Variants in CEBPZ observed in about 807,000 individuals in gnomAD.
CEBPZ encodes CCAAT enhancer binding protein zeta.
In CEBPZ, 78 loss-of-function variants were observed where a neutral mutation model predicts 104.5. The ratio of observed to expected loss-of-function variants is 0.75; its 90% CI spans 0.62 to 0.90. The LOEUF (loss-of-function observed/expected upper bound fraction) is 0.90, where lower values mean the gene tolerates loss of function less well. CEBPZ is among the 40% of genes least tolerant of loss of function. The probability of loss-of-function intolerance (pLI) is 0.00; values close to 1 mark genes in which losing one functional copy is unlikely to be tolerated. For missense variants in CEBPZ, 1,439 were observed against 1,233.5 expected (o/e 1.17, Z -2.50); for synonymous variants, 470 against 427.0 (o/e 1.10, Z -1.24).
In CEBPZ at chr2:37,228,274, A is replaced by G. The variant is rs1664940948; in HGVS notation, c.919T>C (p.Phe307Leu). 1.2e-6 allele frequency: 2 copies of G among 1,614,212 alleles called. No individual in the cohort carries two copies. Among genetic ancestry groups the G allele is most frequent in the Non-Finnish European group, 1.7e-6 (2 of 1,180,030 alleles). ...LLPDNRKLRI[F>L]SQRPFDKLEQ... is the part of the protein sequence containing the mutation. ...AGTTTGTCAAAAGGACGCTGGCTGA[A>G]AATCCTCAGCTTCCGATTGTCTGGC... Residue 307 changes from phenylalanine to leucine, a missense_variant, in exon 2 of 16, where the codon TTC becomes CTC. Phe to Leu is a conservative substitution (Grantham distance 22). Transcript: ENST00000234170.
At chr2:37,216,075 T>C in intron 8 of CEBPZ, 65 bp downstream of exon 8, 2 of 1,180,914 alleles carry the variant, frequency 1.7e-6, no homozygotes, top group East Asian at 2.4e-5. Flanking sequence ...CAAAGAATAA[T>C]ACAATTTATG....
At chr2:37,211,261 T>C (rs1677712794) in intron 12 of CEBPZ, 179 bp from the exon 13 acceptor site, 1 of 436,756 alleles carries the variant, frequency 2.3e-6, no homozygotes, top group African/African-American at 2.0e-5. Flanking sequence ...ACTCTAAGAA[T>C]TGGCACAGTT....
intron 1 of CEBPZ, among the ~76,000 whole-genome samples, chr2:37,229,942 C>A (rs1454266251): frequency 1.3e-5 from 2 of 152,168 alleles, no homozygotes; most frequent in Non-Finnish European, 2.9e-5. Flanking sequence ...TATCCTCCCA[C>A]CTCTGACTCC....
chr2:37,216,476 TAAGAAAAAGG>T lies in CEBPZ; in HGVS notation c.2209-68_2209-59del, dbSNP rs1677869593. 4.1e-6 allele frequency: 5 copies of T among 1,228,778 alleles called. No individual in the cohort carries two copies. In the Admixed American group the frequency reaches 6.0e-5, roughly 15 times the overall value. The allele number at this position is 1,228,778 out of a possible 1,614,324, so 76.1% of individuals were successfully genotyped here. A position where few individuals can be genotyped will look rare whatever the true frequency, so the allele number is the denominator to read the frequency against. On this transcript the variant is annotated intron_variant, in intron 6 of 15. Transcript: ENST00000234170. ...TTCAAATTATGTCTATGAATCCAAGTAAGAAAAAGGAAGAAAAAGATAATTTCTATTACAC... is the reference window on the plus strand; with the variant it reads ...TTCAAATTATGTCTATGAATCCAAGTAAGAAAAAGATAATTTCTATTACAC...
At chr2:37,202,549 G>A in intron 15 of CEBPZ, 1 of 334,448 alleles carries the variant, frequency 3.0e-6, no homozygotes, top group South Asian at 4.5e-5. Context: ...GGAGGCTAAG[G>A]TAGGAGAATT....
chr2:37,203,279 A>T (rs565751664), intron 13 of CEBPZ: 36 of 243,842 alleles, frequency 1.5e-4, no homozygotes, highest in Non-Finnish European at 2.4e-4. Flanking sequence ...TTTTACCCAT[A>T]AGGGAAATAA....
chr2:37,216,956 C>G (rs374974943), intron 6 of CEBPZ, 28 bp downstream of exon 6: 2 of 1,566,360 alleles, frequency 1.3e-6, no homozygotes, highest in Non-Finnish European at 1.7e-6. Context: ...TTTCTTATTT[C>G]TCATCTTTGG....
intron 12 of CEBPZ, chr2:37,211,631 G>C (rs1677723213): frequency 2.1e-6 from 1 of 477,022 alleles, no homozygotes. Context: ...AAAGTCCAAA[G>C]CTCAAAAAGC....
chr2:37,210,975 A>C (rs1677703032), intron 13 of CEBPZ, 24 bp downstream of exon 13: 1 of 1,542,050 alleles, frequency 6.5e-7, no homozygotes, highest in East Asian at 2.3e-5. Flanking sequence ...CTGCTTTTAA[A>C]AGATATTAAA....
intron 3 of CEBPZ, 102 bp downstream of exon 3, chr2:37,223,068 C>A: frequency 1.1e-6 from 1 of 918,242 alleles, no homozygotes; most frequent in Non-Finnish European, 1.7e-6. Flanking sequence ...CACTCATATG[C>A]TCCAGAGAAC....
chr2:37,223,101 A>C (rs1259608078), intron 3 of CEBPZ, 69 bp downstream of exon 3: 1 of 1,322,732 alleles, frequency 7.6e-7, no homozygotes, highest in Admixed American at 1.9e-5. Context: ...ATTTGAAGCA[A>C]AGAAAAACAA....
chr2:37,206,200 C>T (rs1677534196), intron 13 of CEBPZ, among the ~76,000 whole-genome samples: 1 of 152,180 alleles, frequency 6.6e-6, no homozygotes, highest in Non-Finnish European at 1.5e-5. Flanking sequence ...GCAGCTCCCA[C>T]ATGGATGGAC....
chr2:37,219,101 T>C (rs948567611), intron 5 of CEBPZ, among the ~76,000 whole-genome samples: 1 of 152,210 alleles, frequency 6.6e-6, no homozygotes, highest in Non-Finnish European at 1.5e-5. Flanking sequence ...ATTTTATTGC[T>C]GACAACAAAT....
chr2:37,216,984 C>G lies in CEBPZ; in HGVS notation c.2208G>C (p.Gln736His), dbSNP rs1664610918. The G allele has an allele frequency of 6.2e-7, 1 of 1,610,666 alleles. No individual in the cohort carries two copies. The highest frequency in any genetic ancestry group is 1.3e-5 in the African/African-American group (1 of 74,906). Reference protein sequence around the residue: ...SVALFAKTILQGNYIQYSGDP... With the variant: ...SVALFAKTILHGNYIQYSGDP... ...ATCTTTGGATTTATTTTAGACTCAC[C>G]TGAAGGATGGTCTTTGCAAAAAGGG... The change falls in exon 6 of 16, where the codon CAG becomes CAC. Residue 736 changes from glutamine to histidine, a missense_variant and splice_region_variant. By Grantham distance (24) the Gln-to-His change is conservative. Coordinates refer to ENST00000234170, the MANE Select transcript of CEBPZ (RefSeq NM_005760.3).
At position 37,231,589 on chromosome 2, in the gene CEBPZ, T is replaced by A. The variant is rs1373857124; in HGVS notation, c.-22A>T. 5 of 1,614,066 alleles carry A rather than the reference T, an allele frequency of 3.1e-6. No homozygotes were observed. Among genetic ancestry groups the A allele is most frequent in the Non-Finnish European group, 4.2e-6 (5 of 1,180,040 alleles). On this transcript the variant is annotated 5_prime_UTR_variant, in exon 1 of 16. Coordinates refer to ENST00000234170, the MANE Select transcript of CEBPZ (RefSeq NM_005760.3). ...CCATGGCGGGCAAAGCATACGCGCG[T>A]GAAACTCAGCCTATTTCCGCTCTGC... is the stretch of plus-strand genomic sequence containing the variant.
chr2:37,228,987 T>A lies in CEBPZ; in HGVS notation c.206A>T (p.Asp69Val), dbSNP rs1464985215. The A allele has an allele frequency of 3.1e-6, 5 of 1,595,768 alleles. No homozygotes were observed. The highest frequency in any genetic ancestry group is 1.7e-6 in the Non-Finnish European group (2 of 1,174,628). The change falls in exon 2 of 16, where the codon GAT becomes GTT. Residue 69 changes from aspartate (D) to valine (V), a missense_variant. Coordinates refer to ENST00000234170, the MANE Select transcript of CEBPZ (RefSeq NM_005760.3). Reference protein sequence around the residue: ...ATLDENEEVIDGGKKGAIDDL... With the variant: ...ATLDENEEVIVGGKKGAIDDL... ...ATCGATTGCTCCTTTTTTGCCTCCA[T>A]CTATCACTTCCTCATTCTCATCCAA...
At chr2:37,203,904 T>C (rs1341854701) in intron 13 of CEBPZ, 4 of 152,236 alleles carry the variant, frequency 2.6e-5, no homozygotes, top group Admixed American at 2.6e-4. Flanking sequence ...TAATATTCCA[T>C]TGTATGGATA....
rs746230409 is a variant in CEBPZ, at chr2:37,228,151, G to C, written c.1042C>G (p.Gln348Glu). Residue 348 changes from glutamine (Q) to glutamate (E), a missense_variant, in exon 2 of 16, where the codon CAG becomes GAG. Transcript: ENST00000234170. ...QLKHLVAEFV[Q>E]VLETLSHDTL... Reference sequence around the variant, plus strand: ...TCATGACTTAAAGTTTCTAAGACCTGCACAAATTCAGCCACTAAGTGTTTC... The same window carrying C: ...TCATGACTTAAAGTTTCTAAGACCTCCACAAATTCAGCCACTAAGTGTTTC... 1 of 1,614,178 alleles carries C rather than the reference G, an allele frequency of 6.2e-7. No homozygotes were observed. Among genetic ancestry groups the C allele is most frequent in the South Asian group, 1.1e-5 (1 of 91,086 alleles).
Position 37,231,467 on chromosome 2 carries a change from C to G in CEBPZ, c.101G>C (p.Ser34Thr). The change falls in exon 1 of 16, where the codon AGT (serine) becomes ACT (threonine). Residue 34 changes from serine to threonine, a missense_variant. Physicochemically the swap from Ser to Thr is moderately conservative, Grantham distance 58 (BLOSUM62 1). Coordinates refer to ENST00000234170, the MANE Select transcript of CEBPZ (RefSeq NM_005760.3). ...CAGGGAGAACCCATTCTCGGCTTCA[C>G]TAGTATTATCCTCATCCTCCTCGTC... is the stretch of plus-strand genomic sequence containing the variant. ...DPDEEDEDNT[S>T]EAENGFSLEE... 1 of 1,614,248 alleles carries G rather than the reference C, an allele frequency of 6.2e-7. No individual in the cohort carries two copies. Among genetic ancestry groups the G allele is most frequent in the Non-Finnish European group, 8.5e-7 (1 of 1,180,046 alleles).
Sources: allele counts gnomAD v4.1 joint callset (sites outside exome capture counted in the v4.1 genomes callset), GRCh38; gene constraint gnomAD v4.1.1; transcripts MANE v1.5; gene names NCBI Gene and HGNC (gene_info 2026-07-23, HGNC 2026-07-21).